The following RBFOX1 variants were observed in gnomAD, a reference collection of about 807,000 sequenced individuals.
RBFOX1 encodes RNA binding fox-1 homolog 1, also known as RNA binding protein fox-1 homolog 1.
Under a neutral mutation model 57.7 loss-of-function variants are expected in RBFOX1, and 8 were observed. The observed-to-expected ratio is 0.14, with a 90% CI of 0.08 to 0.25. The LOEUF is 0.25. RBFOX1 is among the 10% of genes least tolerant of loss of function. The probability of loss-of-function intolerance (pLI) is 1.00; values close to 1 mark genes in which losing one functional copy is unlikely to be tolerated. For synonymous variants in RBFOX1, 326 were observed against 222.4 expected (o/e 1.47, Z -4.15); for missense variants, 611 against 548.5 (o/e 1.11, Z -1.14).
chr16:7,066,283 C>T (rs369557743), intron 4 of RBFOX1, among the ~76,000 whole-genome samples: 7 of 152,232 alleles, frequency 4.6e-5, no homozygotes, highest in East Asian at 1.9e-4. Context: ...AAACATGGTA[C>T]GTTACCTTGA....
chr16:6,982,687 T>C (rs922548183), intron 3 of RBFOX1, among the ~76,000 whole-genome samples: 4 of 152,134 alleles, frequency 2.6e-5, no homozygotes, highest in African/African-American at 4.8e-5. Flanking sequence ...TTTACTGTTA[T>C]CTCATTTTGA....
rs905144150 is a variant in RBFOX1 at position 5,564,380 on chromosome 16, T to C, written c.259-34522T>C. ...CACCTTCTGCCATTTGATGATGTTG[T>C]CTTTCTGGGTTGAATTTTTGTCTCC... On this transcript the variant is annotated intron_variant, in intron 2 of 2. Coordinates refer to the RBFOX1 transcript ENST00000585867. Among the ~76,000 whole-genome samples, 2 of 152,292 alleles carry C rather than the reference T, an allele frequency of 1.3e-5. 1 individual carries two copies. The highest frequency in any genetic ancestry group is 1.3e-4 in the Admixed American group (2 of 15,286).
At chr16:5,776,356 T>C (rs2054148149) in intron 3 of RBFOX1, among the ~76,000 whole-genome samples, 1 of 152,224 alleles carries the variant, frequency 6.6e-6, no homozygotes, top group Non-Finnish European at 1.5e-5. Flanking sequence ...CAGAGTTGTT[T>C]GCAGAATGTT....
intron 3 of RBFOX1, among the ~76,000 whole-genome samples, chr16:5,798,237 T>C (rs920942807): frequency 1.3e-5 from 2 of 152,234 alleles, no homozygotes; most frequent in East Asian, 3.9e-4. Context: ...TTTATGAGTA[T>C]TATTGTCATT....
At chr16:7,449,585 G>C (rs149449488) in intron 4 of RBFOX1, among the ~76,000 whole-genome samples, 32 of 151,860 alleles carry the variant, frequency 2.1e-4, no homozygotes, top group African/African-American at 7.5e-4. Flanking sequence ...CTTTAACCTC[G>C]TTAGACTTGA....
intron 3 of RBFOX1, among the ~76,000 whole-genome samples, chr16:7,018,284 C>G (rs540391558): frequency 1.3e-5 from 2 of 152,248 alleles, no homozygotes; most frequent in African/African-American, 2.4e-5. Flanking sequence ...AAGGGGACTT[C>G]TAATATTTTG....
chr16:7,691,086 C>T (rs142590779), intron 14 of RBFOX1, among the ~76,000 whole-genome samples: 1 of 152,048 alleles, frequency 6.6e-6, no homozygotes. Flanking sequence ...GGTGACCTTT[C>T]TGGGATGTAG....
chr16:6,279,898 T>G (rs2076201811), intron 1 of RBFOX1, among the ~76,000 whole-genome samples: 2 of 152,132 alleles, frequency 1.3e-5, no homozygotes, highest in Admixed American at 6.5e-5. Flanking sequence ...TGAGGATTTT[T>G]TTTTTAATGA....
intron 2 of RBFOX1, among the ~76,000 whole-genome samples, chr16:6,563,875 T>C (rs545806529): frequency 6.6e-6 from 1 of 151,998 alleles, no homozygotes; most frequent in African/African-American, 2.4e-5. Flanking sequence ...TGTATGTATA[T>C]GTATGTGTGT....
chr16:7,465,214 C>G (rs539364254), intron 4 of RBFOX1, among the ~76,000 whole-genome samples: 2 of 152,286 alleles, frequency 1.3e-5, no homozygotes, highest in South Asian at 2.1e-4. Context: ...TGTCAGCAAA[C>G]TCTCAGCTCA....
At chr16:7,015,380 T>G (rs1372565464) in intron 3 of RBFOX1, among the ~76,000 whole-genome samples, 4 of 152,124 alleles carry the variant, frequency 2.6e-5, no homozygotes, top group Admixed American at 2.6e-4. Context: ...CACCTCAGAG[T>G]TGGCAAAAAC....
intron 1 of RBFOX1, among the ~76,000 whole-genome samples, chr16:6,208,432 G>A (rs1290719964): frequency 3.3e-5 from 5 of 149,908 alleles, no homozygotes; most frequent in African/African-American, 1.2e-4. Context: ...TTAGTGTAAG[G>A]TGTGTCTGAA....
intron 3 of RBFOX1, among the ~76,000 whole-genome samples, chr16:5,722,201 A>G (rs981559885): frequency 1.3e-5 from 2 of 152,234 alleles, no homozygotes; most frequent in Non-Finnish European, 2.9e-5. Flanking sequence ...TGTTAATTAC[A>G]GTATTTAACT....
At chr16:6,505,115 AATT>A (rs2153190786) in intron 2 of RBFOX1, among the ~76,000 whole-genome samples, 1 of 152,164 alleles carries the variant, frequency 6.6e-6, no homozygotes, top group Non-Finnish European at 1.5e-5. Flanking sequence ...AGTCTACTCA[AATT>A]ATTTTTTTTC....
At chr16:7,709,494 C>T (rs926839012) in intron 15 of RBFOX1, 50 of 1,497,264 alleles carry the variant, frequency 3.3e-5, no homozygotes, top group Admixed American at 2.6e-4. Context: ...ATTCACATAG[C>T]CCCAAGGTTC....
chr16:7,581,027 G>C (rs1237844174), intron 6 of RBFOX1, among the ~76,000 whole-genome samples: 1 of 152,118 alleles, frequency 6.6e-6, no homozygotes. Context: ...TAAAATGGGA[G>C]GCTCTTGTTC....
intron 1 of RBFOX1, among the ~76,000 whole-genome samples, chr16:5,435,237 TGAA>T (rs1483585472): frequency 1.3e-5 from 2 of 152,210 alleles, no homozygotes; most frequent in African/African-American, 4.8e-5. Flanking sequence ...TATGCGTCTA[TGAA>T]GAAAAGGTTA....
rs2058472866 is a variant in RBFOX1, at chr16:6,859,130, CATATATATACGTATATATATAT to C, written c.-15-192926_-15-192905del. 1.8e-4 allele frequency among the ~76,000 whole-genome samples: 15 copies of C among 82,468 alleles called. 1 individual carries two copies. In the South Asian group the frequency reaches 2.6e-3, roughly 14 times the overall value. The allele number at this position is 82,468 out of a possible 152,430, so 54.1% of individuals were successfully genotyped here. A position where few individuals can be genotyped will look rare whatever the true frequency, so the allele number is the denominator to read the frequency against. ...AAAAGTGTATATATATATATATATA[CATATATATACGTATATATATAT>C]GTATATATATACGTATATATATGTA... On this transcript the variant is annotated intron_variant, in intron 3 of 15. Transcript: ENST00000550418.
At chr16:6,312,704 CCT>C (rs2080516734) in intron 1 of RBFOX1, among the ~76,000 whole-genome samples, 1 of 149,074 alleles carries the variant, frequency 6.7e-6, no homozygotes, top group Non-Finnish European at 1.5e-5. Context: ...TTCCTTCCTT[CCT>C]TCCTTCCTCC....
Sources: allele counts gnomAD v4.1 joint callset (sites outside exome capture counted in the v4.1 genomes callset), GRCh38; gene constraint gnomAD v4.1.1; transcripts MANE v1.5; gene names NCBI Gene and HGNC (gene_info 2026-07-23, HGNC 2026-07-21).